Variants in CDH4 observed in about 807,000 individuals in gnomAD.
The protein encoded by CDH4 is cadherin-4.
A neutral mutation model predicts 86.0 loss-of-function variants in CDH4; 33 were observed. That is an observed-to-expected ratio of 0.38 (90% CI 0.29 to 0.51). CDH4 has a LOEUF of 0.51. Ranked by LOEUF, CDH4 falls within the 20% of genes least tolerant of loss-of-function variation. The pLI, the probability that CDH4 is intolerant of heterozygous loss-of-function variation, is 0.86. For missense variants in CDH4, 1,114 were observed against 1,307.4 expected (o/e 0.85, Z 2.28); for synonymous variants, 555 against 549.4 (o/e 1.01, Z -0.14).
chr20:61,445,626 GC>G (rs1465635086), intron 2 of CDH4, among the ~76,000 whole-genome samples: 3 of 152,078 alleles, frequency 2.0e-5, no homozygotes, highest in Non-Finnish European at 4.4e-5. Flanking sequence ...AGGGACCAAG[GC>G]CATTCTACTT....
At chr20:61,391,124 C>T (rs2084983105) in intron 2 of CDH4, among the ~76,000 whole-genome samples, 1 of 152,130 alleles carries the variant, frequency 6.6e-6, no homozygotes, top group South Asian at 2.1e-4. Context: ...GGTCTGCACG[C>T]AGCCTCAGGC....
In CDH4 at chr20:61,577,607, A is replaced by G. The variant is rs373091089; in HGVS notation, c.170-165956A>G. Reference sequence around the variant, plus strand: ...ATCTCTGATTTTCTTGGGCACAACCATGGGCCTGGGTTCTCTGGGGTCCCA... The same window carrying G: ...ATCTCTGATTTTCTTGGGCACAACCGTGGGCCTGGGTTCTCTGGGGTCCCA... On this transcript the variant is annotated intron_variant, in intron 2 of 15. Transcript: ENST00000614565. 6.6e-5 allele frequency among the ~76,000 whole-genome samples: 10 copies of G among 152,056 alleles called. No individual in the cohort carries two copies. In the East Asian group the frequency reaches 1.2e-3, roughly 18 times the overall value.
chr20:61,295,671 G>A (rs377274504), intron 2 of CDH4, among the ~76,000 whole-genome samples: 1 of 152,258 alleles, frequency 6.6e-6, no homozygotes, highest in African/African-American at 2.4e-5. Flanking sequence ...CCAGAAGCCT[G>A]GTCAGCAGAG....
chr20:61,356,618 T>C (rs2084751908), intron 2 of CDH4, among the ~76,000 whole-genome samples: 1 of 152,248 alleles, frequency 6.6e-6, no homozygotes, highest in Admixed American at 6.5e-5. Context: ...TGCAATATTA[T>C]GCTCCCCAAA....
intron 4 of CDH4, among the ~76,000 whole-genome samples, chr20:61,824,132 T>C (rs1601026030): frequency 6.6e-6 from 1 of 152,102 alleles, no homozygotes. Flanking sequence ...AGCTTGAGGG[T>C]CATGGTGCTT....
intron 2 of CDH4, among the ~76,000 whole-genome samples, chr20:61,729,048 G>A (rs74437599): frequency 0.026 from 3,915 of 152,270 alleles, 84 homozygotes; most frequent in East Asian, 0.077. Flanking sequence ...GTCTCCAGCC[G>A]TCCTCGCCCA....
chr20:61,875,937 AACAC>A (rs34781850), intron 7 of CDH4, among the ~76,000 whole-genome samples: 13 of 151,116 alleles, frequency 8.6e-5, no homozygotes, highest in African/African-American at 2.2e-4. Context: ...GCGCTCCCCC[AACAC>A]ACACACACAC....
chr20:61,573,334 G>T (rs769043328), intron 2 of CDH4, among the ~76,000 whole-genome samples: 7 of 152,236 alleles, frequency 4.6e-5, no homozygotes, highest in Non-Finnish European at 7.3e-5. Flanking sequence ...GATGCCCATG[G>T]CTCTTATTGG....
chr20:61,559,466 C>T (rs903693419), intron 2 of CDH4, among the ~76,000 whole-genome samples: 1 of 151,552 alleles, frequency 6.6e-6, no homozygotes, highest in Non-Finnish European at 1.5e-5. Context: ...CTGGTCTGAT[C>T]CAGCAGTTAA....
At chr20:61,402,283 G>A (rs150879536) in intron 2 of CDH4, among the ~76,000 whole-genome samples, 164 of 152,206 alleles carry the variant, frequency 1.1e-3, no homozygotes, top group African/African-American at 3.1e-3. Flanking sequence ...TCACCTCTAG[G>A]TTACTTATAA....
intron 2 of CDH4, among the ~76,000 whole-genome samples, chr20:61,685,150 G>A (rs2087560373): frequency 6.6e-6 from 1 of 152,190 alleles, no homozygotes; most frequent in Non-Finnish European, 1.5e-5. Flanking sequence ...GATGTGTCTA[G>A]TCTGGGTATT....
chr20:61,374,311 A>T (rs1196760098), intron 2 of CDH4, among the ~76,000 whole-genome samples: 1 of 152,116 alleles, frequency 6.6e-6, no homozygotes, highest in Non-Finnish European at 1.5e-5. Context: ...CTTCGCAGAG[A>T]AGGTGATGAC....
intron 10 of CDH4, 55 bp from the exon 11 acceptor site, chr20:61,924,279 G>C: frequency 1.3e-6 from 2 of 1,558,790 alleles, no homozygotes; most frequent in South Asian, 2.4e-5. Context: ...CTGGGATCCA[G>C]GGCAGCCCCG....
At chr20:61,903,657 C>T (rs1381955633) in intron 8 of CDH4, among the ~76,000 whole-genome samples, 2 of 151,916 alleles carry the variant, frequency 1.3e-5, no homozygotes, top group Non-Finnish European at 2.9e-5. Flanking sequence ...ATTCCCCATT[C>T]CAAACAAAAA....
intron 2 of CDH4, among the ~76,000 whole-genome samples, chr20:61,536,408 T>A (rs921288745): frequency 6.6e-6 from 1 of 151,408 alleles, no homozygotes; most frequent in African/African-American, 2.4e-5. Flanking sequence ...AGTTCCATCA[T>A]GAGACAAATG....
chr20:61,661,201 GT>G (rs1247878540), intron 2 of CDH4, among the ~76,000 whole-genome samples: 1 of 151,978 alleles, frequency 6.6e-6, no homozygotes, highest in African/African-American at 2.4e-5. Flanking sequence ...GGCCATGGCT[GT>G]CACCGTCAGC....
At chr20:61,610,582 C>T (rs2086677481) in intron 2 of CDH4, among the ~76,000 whole-genome samples, 1 of 152,108 alleles carries the variant, frequency 6.6e-6, no homozygotes, top group African/African-American at 2.4e-5. Flanking sequence ...CCGTGCTGTT[C>T]TGGAGGCGGT....
intron 2 of CDH4, among the ~76,000 whole-genome samples, chr20:61,654,794 G>A (rs890452868): frequency 1.3e-5 from 2 of 152,350 alleles, no homozygotes; most frequent in Non-Finnish European, 2.9e-5. Context: ...TTAAACCAGT[G>A]GGCAGAGCTC....
chr20:61,707,851 C>T (rs558648569), intron 2 of CDH4, among the ~76,000 whole-genome samples: 5 of 152,286 alleles, frequency 3.3e-5, no homozygotes, highest in East Asian at 1.9e-4. Flanking sequence ...TGACAGGAGG[C>T]GGAGGACCTG....
Sources: gnomAD v4.1 joint callset for allele counts (sites outside exome capture counted in the v4.1 genomes callset) on GRCh38, gnomAD v4.1.1 for gene constraint, MANE v1.5 for transcripts, NCBI Gene and HGNC (gene_info 2026-07-23, HGNC 2026-07-21) for gene names.